The following SASH1 variants were observed in gnomAD, a reference collection of about 807,000 sequenced individuals.
SASH1 encodes the protein SAM and SH3 domain containing 1, also known as SAM and SH3 domain-containing protein 1.
A neutral mutation model predicts 125.2 loss-of-function variants in SASH1; 44 were observed. The observed-to-expected ratio is 0.35, with a 90% CI of 0.28 to 0.45. The LOEUF (loss-of-function observed/expected upper bound fraction) is 0.45. Among genes scored for constraint, SASH1 ranks in the 20% least tolerant of loss-of-function variants. SASH1 has a pLI of 1.00. For synonymous variants in SASH1, 639 were observed against 649.1 expected (o/e 0.98, Z 0.24); for missense variants, 1,426 against 1,614.5 (o/e 0.88, Z 2.00).
At chr6:148,459,032 A>C (rs970724653) in intron 4 of SASH1, among the ~76,000 whole-genome samples, 1 of 150,842 alleles carries the variant, frequency 6.6e-6, no homozygotes, top group Non-Finnish European at 1.5e-5. Flanking sequence ...ACCCTCTAGC[A>C]TATGTCACGG....
chr6:148,311,939 A>C (rs1483405221), intron 1 of SASH1, among the ~76,000 whole-genome samples: 2 of 152,228 alleles, frequency 1.3e-5, no homozygotes, highest in Admixed American at 1.3e-4. Flanking sequence ...ACATCCCCAC[A>C]GTGGAATACG....
At chr6:148,368,768 G>GTGTGCA (rs71797719) in intron 1 of SASH1, among the ~76,000 whole-genome samples, 2 of 70,450 alleles carry the variant, frequency 2.8e-5, no homozygotes, top group Non-Finnish European at 5.8e-5. Context: ...GCGCACGCGC[G>GTGTGCA]CGCACACACA....
chr6:148,440,898 C>G (rs1190378118), intron 4 of SASH1, among the ~76,000 whole-genome samples: 6 of 152,146 alleles, frequency 3.9e-5, no homozygotes, highest in African/African-American at 1.4e-4. Flanking sequence ...CTAGCGTTTC[C>G]TGTTAAAGGT....
chr6:148,339,568 A>AT (rs1462112641), upstream of SASH1, among the ~76,000 whole-genome samples: 1 of 151,662 alleles, frequency 6.6e-6, no homozygotes, highest in Non-Finnish European at 1.5e-5. Flanking sequence ...ATATAGATGT[A>AT]TTTTTTGAGA....
At chr6:148,453,268 G>A (rs1347120583) in intron 4 of SASH1, among the ~76,000 whole-genome samples, 1 of 152,214 alleles carries the variant, frequency 6.6e-6, no homozygotes, top group Non-Finnish European at 1.5e-5. Flanking sequence ...GGTGGCTGCT[G>A]TTTATTCTCT....
intron 2 of SASH1, among the ~76,000 whole-genome samples, chr6:148,432,578 T>C (rs906666408): frequency 5.3e-5 from 8 of 152,216 alleles, no homozygotes; most frequent in African/African-American, 1.7e-4. Context: ...TTTTTCCACC[T>C]CCTCCTTCCT....
chr6:148,466,596 C>T (rs541903029), intron 4 of SASH1, among the ~76,000 whole-genome samples: 7 of 152,300 alleles, frequency 4.6e-5, no homozygotes, highest in African/African-American at 9.6e-5. Flanking sequence ...GAGTCTCATT[C>T]AGTCACCCAG....
the SASH1 span, among the ~76,000 whole-genome samples, chr6:148,200,648 C>A: frequency 6.6e-6 from 1 of 152,188 alleles, no homozygotes; most frequent in Admixed American, 6.5e-5. Context: ...TGAAAGAATT[C>A]TTTACTGAGT....
intron 8 of SASH1, among the ~76,000 whole-genome samples, chr6:148,493,084 C>T (rs952544384): frequency 3.9e-5 from 6 of 152,144 alleles, no homozygotes; most frequent in Non-Finnish European, 7.4e-5. Flanking sequence ...GGCTGAGAGG[C>T]GTAGGTGATG....
At chr6:148,239,778 T>C in the SASH1 span, among the ~76,000 whole-genome samples, 5 of 152,254 alleles carry the variant, frequency 3.3e-5, no homozygotes, top group Middle Eastern at 3.4e-3. Context: ...ATAATAGTGC[T>C]TCTTTTTTAT....
chr6:148,440,123 T>TATA, intron 2 of SASH1, 61 bp from the exon 3 acceptor site: 2 of 1,504,734 alleles, frequency 1.3e-6, no homozygotes, highest in Non-Finnish European at 1.9e-6. Flanking sequence ...CATGTCTATT[T>TATA]GTCTTTCTCG....
At chr6:148,353,430 G>T (rs1781810034) in intron 1 of SASH1, among the ~76,000 whole-genome samples, 2 of 128,314 alleles carry the variant, frequency 1.6e-5, no homozygotes, top group Non-Finnish European at 1.7e-5. Context: ...TTCAATTTAA[G>T]ATTGATTTTT....
chr6:148,394,825 G>A (rs982581922), intron 2 of SASH1, among the ~76,000 whole-genome samples: 2 of 152,194 alleles, frequency 1.3e-5, no homozygotes, highest in East Asian at 3.9e-4. Context: ...TTTGTATTTA[G>A]TAGAGTTGGG....
intron 8 of SASH1, among the ~76,000 whole-genome samples, chr6:148,491,504 A>C (rs1294439184): frequency 6.6e-6 from 1 of 152,174 alleles, no homozygotes; most frequent in Non-Finnish European, 1.5e-5. Context: ...CTCTGACCTC[A>C]GGTGATTCAC....
chr6:148,293,935 C>G (rs1420298083), intron 1 of SASH1, among the ~76,000 whole-genome samples: 1 of 152,144 alleles, frequency 6.6e-6, no homozygotes, highest in Non-Finnish European at 1.5e-5. Context: ...CTCAAGGGAG[C>G]AAGAGAAATC....
the SASH1 span, among the ~76,000 whole-genome samples, chr6:148,259,248 C>T: frequency 6.6e-6 from 1 of 152,174 alleles, no homozygotes. Flanking sequence ...CAGAGTTAAT[C>T]CTCACACTCA....
intron 4 of SASH1, among the ~76,000 whole-genome samples, chr6:148,466,675 C>T (rs1484452450): frequency 6.6e-6 from 1 of 152,158 alleles, no homozygotes; most frequent in African/African-American, 2.4e-5. Flanking sequence ...AGTCCTCCTG[C>T]TGCAGCCTCC....
chr6:148,348,099 C>T (rs191888450), intron 1 of SASH1, among the ~76,000 whole-genome samples: 17 of 152,196 alleles, frequency 1.1e-4, no homozygotes, highest in African/African-American at 3.9e-4. Context: ...CTCTGCCTCC[C>T]GAGTTCAAGC....
chr6:148,535,317 T>TG (rs1480315379), intron 16 of SASH1, among the ~76,000 whole-genome samples: 2 of 152,124 alleles, frequency 1.3e-5, no homozygotes, highest in African/African-American at 2.4e-5. Flanking sequence ...CCCAAAAAAA[T>TG]GGGTAGACTC....
Sources: allele counts gnomAD v4.1 joint callset (sites outside exome capture counted in the v4.1 genomes callset), GRCh38; gene constraint gnomAD v4.1.1; transcripts MANE v1.5; gene names NCBI Gene and HGNC (gene_info 2026-07-23, HGNC 2026-07-21).